RBMS3: variants seen among roughly 807,000 people sequenced by gnomAD.
RBMS3 encodes RNA binding motif single stranded interacting protein 3, also known as RNA-binding motif, single-stranded-interacting protein 3.
RBMS3 carries 27 observed loss-of-function variants against 66.8 expected under a neutral mutation model. The ratio of observed to expected loss-of-function variants is 0.40; its 90% confidence interval spans 0.30 to 0.56. RBMS3 has a LOEUF of 0.56. RBMS3 is among the 20% of genes least tolerant of loss of function. The pLI is 0.40. For synonymous variants in RBMS3, 188 were observed against 183.0 expected, an observed-to-expected ratio of 1.03 and a Z score of -0.22; for missense variants, 513 against 549.5, an observed-to-expected ratio of 0.93 and a Z score of 0.66.
intron 3 of RBMS3, among the ~76,000 whole-genome samples, chr3:29,572,139 T>C (rs748881904): frequency 4.6e-5 from 7 of 152,168 alleles, no homozygotes; most frequent in Non-Finnish European, 1.0e-4. Flanking sequence ...CCTTCAACTT[T>C]ACTGAATGTT....
chr3:29,559,510 C>CAAAA lies in RBMS3; in HGVS notation c.308-27564_308-27561dup, dbSNP rs553520590. On this transcript the variant is annotated intron_variant, in intron 3 of 14. Coordinates refer to ENST00000383767, the MANE Select transcript of RBMS3 (RefSeq NM_001003793.3). ...TGGGTGACAGAGGAAGACTCTGTCT[C>CAAAA]AAAAAAAAAAAAAAAAAAAAAAAAA... Among the ~76,000 whole-genome samples the CAAAA allele has an allele frequency of 7.2e-3, 297 of 41,330 alleles. 59 individuals are homozygous for CAAAA. The highest frequency in any genetic ancestry group is 0.011 in the Non-Finnish European group (208 of 18,370). 27.1% of individuals were successfully genotyped at this position (41,330 alleles called of 152,430 possible).
chr3:29,281,538 G>T lies in RBMS3; in HGVS notation c.-144G>T. 4.9e-6 allele frequency: 3 copies of T among 618,356 alleles called. No individual in the cohort carries two copies. The highest frequency in any genetic ancestry group is 5.7e-6 in the Non-Finnish European group (2 of 347,922). 38.3% of individuals were successfully genotyped at this position (618,356 alleles called of 1,614,324 possible). ...TTTGTTTTTTAAAAAAATTCTTGCT[G>T]TGTTGGAACTAGCGAGTGGTGGAGT... On this transcript the variant is annotated 5_prime_UTR_variant, in exon 1 of 15. Transcript: ENST00000383767.
intron 6 of RBMS3, among the ~76,000 whole-genome samples, chr3:29,835,003 A>G (rs1278619164): frequency 1.3e-5 from 2 of 152,084 alleles, no homozygotes; most frequent in African/African-American, 4.8e-5. Flanking sequence ...ATCAGACAAA[A>G]TGGACTTTTA....
intron 6 of RBMS3, among the ~76,000 whole-genome samples, chr3:29,861,224 A>C (rs2059208956): frequency 6.6e-6 from 1 of 152,098 alleles, no homozygotes; most frequent in Non-Finnish European, 1.5e-5. Context: ...TCTTTTTTAA[A>C]GTCCTTTATT....
chr3:29,535,380 T>G (rs1291550595), intron 3 of RBMS3, among the ~76,000 whole-genome samples: 1 of 152,184 alleles, frequency 6.6e-6, no homozygotes, highest in African/African-American at 2.4e-5. Context: ...CATTTCCCAT[T>G]AAAAGTTTTT....
chr3:29,586,994 A>C (rs2047540444), intron 3 of RBMS3, 120 bp from the exon 4 acceptor site: 1 of 670,796 alleles, frequency 1.5e-6, no homozygotes, highest in African/African-American at 1.9e-5. Flanking sequence ...CCTAATGTTC[A>C]ACCAGGGTAA....
intron 5 of RBMS3, among the ~76,000 whole-genome samples, chr3:29,753,514 G>A (rs1342006380): frequency 6.6e-6 from 1 of 152,180 alleles, no homozygotes; most frequent in African/African-American, 2.4e-5. Flanking sequence ...GAAAAAATGA[G>A]TAGCCCCGTA....
At chr3:29,839,174 C>T (rs1252156883) in intron 6 of RBMS3, among the ~76,000 whole-genome samples, 1 of 152,060 alleles carries the variant, frequency 6.6e-6, no homozygotes, top group Non-Finnish European at 1.5e-5. Context: ...TTAACTGGCC[C>T]CTGATGCTGA....
chr3:29,856,507 G>T (rs192431003), intron 6 of RBMS3, among the ~76,000 whole-genome samples: 1 of 152,116 alleles, frequency 6.6e-6, no homozygotes, highest in African/African-American at 2.4e-5. Flanking sequence ...GACGTTATCC[G>T]ATAGGTGGGC....
chr3:29,471,718 G>GTTTTTTTTTTTTTTTTT (rs397793236), intron 2 of RBMS3, among the ~76,000 whole-genome samples: 1 of 71,170 alleles, frequency 1.4e-5, no homozygotes, highest in Non-Finnish European at 2.7e-5. Context: ...TGAGGACTTA[G>GTTTTTTTTTTTTTTTTT]TTTTTTTTTT....
At chr3:29,817,192 C>CTTTGTTTTT (rs1553677828) in intron 6 of RBMS3, among the ~76,000 whole-genome samples, 2 of 127,226 alleles carry the variant, frequency 1.6e-5, no homozygotes, top group Non-Finnish European at 3.3e-5. Context: ...ATTTTCTTTT[C>CTTTGTTTTT]TTTTTTTTTT....
chr3:29,512,071 A>C (rs377180737), intron 3 of RBMS3, among the ~76,000 whole-genome samples: 3 of 152,070 alleles, frequency 2.0e-5, no homozygotes, highest in East Asian at 3.9e-4. Context: ...ATTTAGTAAA[A>C]GCCTCCTTTT....
intron 3 of RBMS3, among the ~76,000 whole-genome samples, chr3:29,551,104 T>C (rs1278196393): frequency 2.0e-5 from 3 of 152,278 alleles, no homozygotes; most frequent in South Asian, 4.1e-4. Flanking sequence ...ATCGTGGAGA[T>C]GAAATTTAAG....
At chr3:29,388,710 C>T (rs1030581802) in intron 1 of RBMS3, among the ~76,000 whole-genome samples, 3 of 152,268 alleles carry the variant, frequency 2.0e-5, no homozygotes, top group African/African-American at 4.8e-5. Context: ...GGACTACAGG[C>T]AACCGCCACT....
chr3:29,434,853 C>A lies in RBMS3; in HGVS notation c.186C>A (p.Asn62Lys). 1 of 1,614,150 alleles carries A rather than the reference C, an allele frequency of 6.2e-7. No individual in the cohort carries two copies. The highest frequency in any genetic ancestry group is 8.5e-7 in the Non-Finnish European group (1 of 1,180,016). Residue 62 changes from asparagine to lysine, a missense_variant, in exon 2 of 15, where the codon AAC (asparagine) becomes AAA (lysine). Physicochemically the swap from Asn to Lys is moderately conservative, Grantham distance 94 (BLOSUM62 0). Coordinates refer to ENST00000383767, the MANE Select transcript of RBMS3 (RefSeq NM_001003793.3). ...GCGGGGAACAGTTGAGTAAAACCAACCTGTACATTCGAGGCCTCCCACCAG... is the reference window on the plus strand; with the variant it reads ...GCGGGGAACAGTTGAGTAAAACCAAACTGTACATTCGAGGCCTCCCACCAG... ...NSSGEQLSKT[N>K]LYIRGLPPGT...
intron 1 of RBMS3, among the ~76,000 whole-genome samples, chr3:29,304,674 C>T (rs1047220693): frequency 6.6e-6 from 1 of 151,964 alleles, no homozygotes; most frequent in African/African-American, 2.4e-5. Context: ...CCATGTTGCC[C>T]TTGAGTTTTC....
intron 2 of RBMS3, among the ~76,000 whole-genome samples, chr3:29,454,482 A>G (rs964097087): frequency 6.6e-6 from 1 of 152,194 alleles, no homozygotes; most frequent in Non-Finnish European, 1.5e-5. Context: ...ACAATGGTGG[A>G]TCTATTAAAA....
chr3:29,733,302 T>C (rs111785141), intron 4 of RBMS3, among the ~76,000 whole-genome samples: 4,114 of 152,136 alleles, frequency 0.027, 89 homozygotes, highest in Non-Finnish European at 0.043. Flanking sequence ...TATACACAAT[T>C]TTGTGACTTA....
At chr3:29,562,159 TG>T (rs2046580580) in intron 3 of RBMS3, among the ~76,000 whole-genome samples, 1 of 152,208 alleles carries the variant, frequency 6.6e-6, no homozygotes, top group African/African-American at 2.4e-5. Flanking sequence ...GAATGATTTT[TG>T]TTTGTTTACA....
Sources: allele counts gnomAD v4.1 joint callset (sites outside exome capture counted in the v4.1 genomes callset), GRCh38; gene constraint gnomAD v4.1.1; transcripts MANE v1.5; gene names NCBI Gene and HGNC (gene_info 2026-07-23, HGNC 2026-07-21).